The following WDR93 variants were observed in gnomAD, a reference collection of about 807,000 sequenced individuals.
WDR93 encodes the protein WD repeat-containing protein 93.
In WDR93, 73 loss-of-function variants were observed where a neutral mutation model predicts 82.9. That is an observed-to-expected ratio of 0.88 (90% CI 0.73 to 1.07). WDR93 has a LOEUF of 1.07. Ranked by LOEUF, WDR93 falls within the 50% of genes least tolerant of loss-of-function variation. The pLI is 0.00. For missense variants in WDR93, 738 were observed against 826.0 expected, an observed-to-expected ratio of 0.89 and a Z score of 1.31; for synonymous variants, 283 against 300.1, an observed-to-expected ratio of 0.94 and a Z score of 0.59.
In WDR93 at chr15:89,707,281, G is replaced by A. The variant is rs564026188; in HGVS notation, c.561+1663G>A. Among the ~76,000 whole-genome samples the A allele has an allele frequency of 1.5e-3, 222 of 152,288 alleles. 2 individuals carry two copies. Among genetic ancestry groups the A allele is most frequent in the Non-Finnish European group, 2.6e-3 (177 of 68,018 alleles). The stretch of plus-strand genomic sequence containing the variant: ...CACTCACCAAAAATAGGCCAGGCAC[G>A]CTGGCTCATGCCTGTAATCCCAGCC... On this transcript the variant is annotated intron_variant, in intron 4 of 16. Coordinates refer to ENST00000268130, the MANE Select transcript of WDR93 (RefSeq NM_020212.2).
intron 1 of WDR93, among the ~76,000 whole-genome samples, chr15:89,692,128 T>A (rs1964921358): frequency 6.6e-6 from 1 of 152,212 alleles, no homozygotes; most frequent in Non-Finnish European, 1.5e-5. Flanking sequence ...ACATCCAACG[T>A]CTGCCCGTAC....
In WDR93 at chr15:89,716,957, A is replaced by G; in HGVS notation, c.795+8A>G. ...GCAGATCCTTTAGAAATGGTAAGAA[A>G]CTTTAAAGAAAATCTCCAGAGAGAC... is the stretch of plus-strand genomic sequence containing the variant. On this transcript the variant is annotated splice_region_variant and intron_variant, in intron 7 of 16. Transcript: ENST00000268130. 6.6e-7 allele frequency: 1 copy of G among 1,519,156 alleles called. No individual in the cohort carries two copies. Among genetic ancestry groups the G allele is most frequent in the Non-Finnish European group, 8.9e-7 (1 of 1,129,390 alleles). 94.1% of individuals were successfully genotyped at this position (1,519,156 alleles called of 1,614,324 possible).
intron 14 of WDR93, 37 bp downstream of exon 14, chr15:89,735,590 C>T: frequency 6.3e-7 from 1 of 1,583,810 alleles, no homozygotes; most frequent in Non-Finnish European, 8.7e-7. Flanking sequence ...TGCCCCATGC[C>T]TCTCATTTCT....
At position 89,733,187 on chromosome 15, in the gene WDR93, C is replaced by A. The variant is rs1365516910; in HGVS notation, c.1512C>A (p.Thr504=). The change falls in exon 13 of 17, where the codon ACC becomes ACA. Residue 504 remains threonine, a synonymous_variant. Coordinates refer to ENST00000268130, the MANE Select transcript of WDR93 (RefSeq NM_020212.2). ...ASLHLVEASG[T]QGPTISVLVE... is the part of the protein sequence containing the mutation. ...TCCATCTGGTGGAGGCTAGCGGGAC[C>A]CAAGGACCCACCATCAGTGTGCTTG... The A allele has an allele frequency of 6.2e-6, 10 of 1,613,980 alleles. No individual in the cohort carries two copies. The highest frequency in any genetic ancestry group is 6.8e-6 in the Non-Finnish European group (8 of 1,179,916).
At chr15:89,732,622 C>G (rs1330077877) in intron 12 of WDR93, among the ~76,000 whole-genome samples, 1 of 151,118 alleles carries the variant, frequency 6.6e-6, no homozygotes, top group Non-Finnish European at 1.5e-5. Context: ...TGGCCACACA[C>G]ACACACACAC....
At chr15:89,695,692 T>C (rs1157487479) in intron 1 of WDR93, among the ~76,000 whole-genome samples, 1 of 152,136 alleles carries the variant, frequency 6.6e-6, no homozygotes, top group Non-Finnish European at 1.5e-5. Context: ...CTAGAAAATG[T>C]TTTTGTAGAT....
At chr15:89,691,535 G>T (rs1279763263) in intron 1 of WDR93, among the ~76,000 whole-genome samples, 1 of 152,108 alleles carries the variant, frequency 6.6e-6, no homozygotes, top group Non-Finnish European at 1.5e-5. Context: ...CTGGCCAACA[G>T]GGTGAAACCC....
In WDR93 at chr15:89,690,872, T is replaced by C. The variant is rs999135900; in HGVS notation, c.-41+15T>C. 9.9e-6 allele frequency: 5 copies of C among 505,612 alleles called. No individual in the cohort carries two copies. In the South Asian group the frequency reaches 1.2e-4, roughly 12 times the overall value. 31.3% of individuals were successfully genotyped at this position (505,612 alleles called of 1,614,324 possible). On this transcript the variant is annotated intron_variant, in intron 1 of 16. Transcript: ENST00000268130. Reference sequence around the variant, plus strand: ...CGCCCGGCCAGGTGAGCAAAACTGATCTTACCTTTGGATGCCGGGGCTCCC... The same window carrying C: ...CGCCCGGCCAGGTGAGCAAAACTGACCTTACCTTTGGATGCCGGGGCTCCC...
chr15:89,693,473 G>C (rs1188331528), intron 1 of WDR93, among the ~76,000 whole-genome samples: 1 of 152,192 alleles, frequency 6.6e-6, no homozygotes, highest in Non-Finnish European at 1.5e-5. Flanking sequence ...CCTAAGAGTG[G>C]AATGACTGGA....
chr15:89,705,611 A>G lies in WDR93; in HGVS notation c.554A>G (p.Asn185Ser), dbSNP rs1462179989. ...KEGLYLVKAI[N>S]EVDDTSKQTT... is the part of the protein sequence containing the mutation. ...GGACTTTACCTAGTCAAAGCCATCA[A>G]TGAAGTGGTGAGTTCCTATTCTTTC... The change falls in exon 4 of 17, where the codon AAT (asparagine) becomes AGT (serine). Residue 185 changes from asparagine (N) to serine (S), a missense_variant. Asn to Ser is a conservative substitution (Grantham distance 46). Transcript: ENST00000268130. 18 of 1,565,990 alleles carry G rather than the reference A, an allele frequency of 1.1e-5. No homozygotes were observed. Among genetic ancestry groups the G allele is most frequent in the Admixed American group, 1.7e-5 (1 of 59,966 alleles).
intron 8 of WDR93, among the ~76,000 whole-genome samples, chr15:89,724,570 T>C (rs1409603411): frequency 2.0e-5 from 3 of 152,090 alleles, no homozygotes; most frequent in African/African-American, 7.2e-5. Flanking sequence ...AACCCACTAA[T>C]GGTTCATGTC....
At chr15:89,720,381 T>G (rs1042582156) in intron 7 of WDR93, among the ~76,000 whole-genome samples, 6 of 151,294 alleles carry the variant, frequency 4.0e-5, no homozygotes, top group African/African-American at 1.5e-4. Flanking sequence ...CAAGCAATTC[T>G]CCTGCCTCAG....
chr15:89,743,308 A>G lies in WDR93; in HGVS notation c.1978A>G (p.Lys660Glu). Residue 660 changes from lysine to glutamate, a missense_variant, in exon 17 of 17, where the codon AAG becomes GAG. Coordinates refer to ENST00000268130, the MANE Select transcript of WDR93 (RefSeq NM_020212.2). The part of the protein sequence containing the change: ...FLQKSYRKLE[K>E]NPEKEEEHWA... ...GGCCCTCAGCTATCGGAAGCTGGAGAAGAACCCAGAGAAGGAGGAGGAGCA... is the reference window on the plus strand; with the variant it reads ...GGCCCTCAGCTATCGGAAGCTGGAGGAGAACCCAGAGAAGGAGGAGGAGCA... 1 of 1,614,196 alleles carries G rather than the reference A, an allele frequency of 6.2e-7. No homozygotes were observed. The highest frequency in any genetic ancestry group is 8.5e-7 in the Non-Finnish European group (1 of 1,180,034).
chr15:89,715,283 T>C (rs985273343), intron 6 of WDR93, among the ~76,000 whole-genome samples, 188 bp downstream of exon 6: 5 of 152,162 alleles, frequency 3.3e-5, no homozygotes, highest in African/African-American at 1.2e-4. Context: ...TAGAGGTGTC[T>C]TCAGTAGTGG....
intron 14 of WDR93, among the ~76,000 whole-genome samples, chr15:89,736,940 C>T (rs959924752): frequency 6.6e-5 from 10 of 152,026 alleles, no homozygotes; most frequent in African/African-American, 9.7e-5. Context: ...TACAGGTGCC[C>T]GCTAGCACGC....
At chr15:89,709,108 C>T (rs183523352) in intron 4 of WDR93, among the ~76,000 whole-genome samples, 7 of 152,332 alleles carry the variant, frequency 4.6e-5, no homozygotes, top group African/African-American at 1.7e-4. Context: ...CACAATCCTA[C>T]ACCACAATTC....
chr15:89,699,787 C>T (rs1323370863), intron 1 of WDR93, among the ~76,000 whole-genome samples: 1 of 152,114 alleles, frequency 6.6e-6, no homozygotes, highest in Non-Finnish European at 1.5e-5. Flanking sequence ...GTAGCTGTGT[C>T]TCTAAAAGCT....
Position 89,743,613 on chromosome 15 carries a change from A to ATCTGTTTAGTGATATTGTCTCCAG in WDR93, c.*222_*223insTCTGTTTAGTGATATTGTCTCCAG. 1 of 572,938 alleles carries ATCTGTTTAGTGATATTGTCTCCAG rather than the reference A, an allele frequency of 1.7e-6. No homozygotes were observed. The highest frequency in any genetic ancestry group is 3.1e-6 in the Non-Finnish European group (1 of 321,098). The allele number at this position is 572,938 out of a possible 1,614,324, so 35.5% of individuals were successfully genotyped here. On this transcript the variant is annotated 3_prime_UTR_variant, in exon 17 of 17. Coordinates refer to ENST00000268130, the MANE Select transcript of WDR93 (RefSeq NM_020212.2). Reference sequence around the variant, plus strand: ...CCTCAGGCAGGCAGATGTGTCACCCAAATAAACAGTGATATTGTCTCCAGA... The same window carrying ATCTGTTTAGTGATATTGTCTCCAG: ...CCTCAGGCAGGCAGATGTGTCACCCATCTGTTTAGTGATATTGTCTCCAGAATAAACAGTGATATTGTCTCCAGA...
At position 89,715,041 on chromosome 15, in the gene WDR93, A is replaced by G; in HGVS notation, c.702A>G (p.Leu234=). Residue 234 remains leucine, a synonymous_variant, in exon 6 of 17, where the codon CTA becomes CTG. Transcript: ENST00000268130. ...KLPKETWLKK[L]EHPQLTSNPK... The stretch of plus-strand genomic sequence containing the variant: ...CCAAGGAGACTTGGCTCAAGAAACT[A>G]GAGCACCCCCAACTCACTTCAAATC... 1 of 1,614,130 alleles carries G rather than the reference A, an allele frequency of 6.2e-7. No individual in the cohort carries two copies. The highest frequency in any genetic ancestry group is 1.3e-5 in the African/African-American group (1 of 75,044).
Sources: allele counts gnomAD v4.1 joint callset (sites outside exome capture counted in the v4.1 genomes callset), GRCh38; gene constraint gnomAD v4.1.1; transcripts MANE v1.5; gene names NCBI Gene and HGNC (gene_info 2026-07-23, HGNC 2026-07-21).